The following ADAMTS16 variants were observed in gnomAD, a reference collection of about 807,000 sequenced individuals.
ADAMTS16 encodes the protein ADAM metallopeptidase with thrombospondin type 1 motif 16.
In ADAMTS16, 94 loss-of-function variants were observed where a neutral mutation model predicts 145.8. The ratio of observed to expected loss-of-function variants is 0.64; its 90% CI spans 0.55 to 0.77. The LOEUF is 0.77. Among genes scored for constraint, ADAMTS16 ranks in the 30% least tolerant of loss-of-function variants. ADAMTS16 has a pLI of 0.00. For missense variants in ADAMTS16, 1,585 were observed against 1,591.5 expected, an observed-to-expected ratio of 1.00 and a Z score of 0.07; for synonymous variants, 659 against 604.3, an observed-to-expected ratio of 1.09 and a Z score of -1.33.
At chr5:5,248,977 AG>A (rs1388205731) in intron 17 of ADAMTS16, among the ~76,000 whole-genome samples, 1 of 152,206 alleles carries the variant, frequency 6.6e-6, no homozygotes, top group African/African-American at 2.4e-5. Context: ...GTAGAGAAAA[AG>A]AGACTGATTG....
At chr5:5,235,852 T>C (rs13171408) in intron 13 of ADAMTS16, among the ~76,000 whole-genome samples, 463 of 152,360 alleles carry the variant, frequency 3.0e-3, no homozygotes, top group Middle Eastern at 0.027. Flanking sequence ...CCTTTGGATG[T>C]ACATAAGTGG....
intron 10 of ADAMTS16, among the ~76,000 whole-genome samples, chr5:5,213,401 G>GA (rs1736329309): frequency 6.6e-6 from 1 of 152,142 alleles, no homozygotes; most frequent in Non-Finnish European, 1.5e-5. Flanking sequence ...ATAAATCAGT[G>GA]AAATATACCT....
intron 18 of ADAMTS16, among the ~76,000 whole-genome samples, chr5:5,266,027 T>TGTGA (rs1451688951): frequency 4.9e-5 from 7 of 142,506 alleles, no homozygotes; most frequent in African/African-American, 1.8e-4. Context: ...TGTGTGTGTG[T>TGTGA]GACTTTCACA....
chr5:5,316,741 T>A (rs1349708707), intron 21 of ADAMTS16, among the ~76,000 whole-genome samples: 1 of 152,168 alleles, frequency 6.6e-6, no homozygotes, highest in Non-Finnish European at 1.5e-5. Context: ...CCCACCCTCA[T>A]GCATCAGGGG....
chr5:5,273,374 C>G (rs2913669), intron 18 of ADAMTS16, among the ~76,000 whole-genome samples: 65,555 of 152,068 alleles, frequency 0.43, 14,598 homozygotes, highest in East Asian at 0.59. Flanking sequence ...ATACAAAAAA[C>G]TTAGCTGATG....
In ADAMTS16 at chr5:5,182,191, A is replaced by C; in HGVS notation, c.649A>C (p.Ser217Arg). Residue 217 changes from serine to arginine, a missense_variant, in exon 4 of 23, where the codon AGT becomes CGT. By Grantham distance (110) the Ser-to-Arg change is moderately radical. Around this residue, in one of 3 missense-constraint regions of ADAMTS16, gnomAD observed 453 missense variants for 412.1 expected, o/e 1.10. Coordinates refer to ENST00000274181, the MANE Select transcript of ADAMTS16 (RefSeq NM_139056.4). ...RSTEPHAPGA[S>R]EVLVTSRTWE... ...CACAGAGCCCCATGCTCCTGGGGCC[A>C]GTGAGGTCCTGGTGACCTCAAGGAC... 6.2e-7 allele frequency: 1 copy of C among 1,614,190 alleles called. No homozygotes were observed. Among genetic ancestry groups the C allele is most frequent in the African/African-American group, 1.3e-5 (1 of 75,062 alleles).
intron 18 of ADAMTS16, among the ~76,000 whole-genome samples, chr5:5,276,413 C>G (rs1359038829): frequency 1.3e-5 from 2 of 152,144 alleles, no homozygotes. Context: ...ATAAGACAGA[C>G]CCGAGTGTAA....
chr5:5,304,293 G>A (rs1325518742), intron 20 of ADAMTS16, among the ~76,000 whole-genome samples: 2 of 152,160 alleles, frequency 1.3e-5, no homozygotes, highest in Non-Finnish European at 2.9e-5. Flanking sequence ...CTGGGAAGCC[G>A]TTTCCTCTAC....
chr5:5,303,280 G>C lies in ADAMTS16; in HGVS notation c.2802G>C (p.Gly934=). 6.3e-7 allele frequency: 1 copy of C among 1,580,214 alleles called. No homozygotes were observed. Among genetic ancestry groups the C allele is most frequent in the Non-Finnish European group, 8.6e-7 (1 of 1,160,778 alleles). The change falls in exon 19 of 23, where the codon GGG becomes GGC. Residue 934 remains glycine (G), a synonymous_variant. Coordinates refer to ENST00000274181, the MANE Select transcript of ADAMTS16 (RefSeq NM_139056.4). ...VSACPPSWSV[G]NWSACSRTCG... is the part of the protein sequence containing the mutation. Reference sequence around the variant, plus strand: ...TGTCCCTGCCCAGCTGGTCCGTGGGGAACTGGAGTGCCTGCAGTCGGACGT... The same window carrying C: ...TGTCCCTGCCCAGCTGGTCCGTGGGCAACTGGAGTGCCTGCAGTCGGACGT...
rs775362482 is a variant in ADAMTS16 at position 5,318,220 on chromosome 5, C to T, written c.3498C>T (p.His1166=). The T allele has an allele frequency of 1.9e-6, 3 of 1,570,410 alleles. No individual in the cohort carries two copies. The South Asian group carries it at 3.5e-5, about 18-fold the overall frequency. Residue 1166 remains histidine (H), a synonymous_variant, in exon 22 of 23, where the codon CAC becomes CAT. Transcript: ENST00000274181. The part of the protein sequence containing the change: ...GGRPASGCLL[H]QKPSASLACN... ...GGCCGGCCTCAGGCTGCCTCCTGCA[C>T]CAGAAGCCTTCGGCCTCCCTGGCCT... is the stretch of plus-strand genomic sequence containing the variant.
chr5:5,251,299 C>A (rs1289948948), intron 17 of ADAMTS16, among the ~76,000 whole-genome samples: 1 of 152,152 alleles, frequency 6.6e-6, no homozygotes, highest in Admixed American at 6.5e-5. Context: ...TCATCTGTAT[C>A]CTTCATTTGC....
At position 5,242,156 on chromosome 5, in the gene ADAMTS16, T is replaced by C. The variant is rs770979114; in HGVS notation, c.2627T>C (p.Ile876Thr). ...GCCCAGCCCAGCTACACTTGGGCCATCGTGCGCTCTGAGTGCTCCGTGTCC... is the reference window on the plus strand; with the variant it reads ...GCCCAGCCCAGCTACACTTGGGCCACCGTGCGCTCTGAGTGCTCCGTGTCC... ...PPAQPSYTWA[I>T]VRSECSVSCG... is the part of the protein sequence containing the mutation. Residue 876 changes from isoleucine (I) to threonine (T), a missense_variant, in exon 17 of 23, where the codon ATC (isoleucine) becomes ACC (threonine). Physicochemically the swap from Ile to Thr is moderately conservative, Grantham distance 89 (BLOSUM62 -1). This residue lies in a region of ADAMTS16 where 834 missense variants were observed against 811.7 expected (regional missense o/e 1.03). Coordinates refer to ENST00000274181, the MANE Select transcript of ADAMTS16 (RefSeq NM_139056.4). 31 of 1,614,038 alleles carry C rather than the reference T, an allele frequency of 1.9e-5. No homozygotes were observed. The highest frequency in any genetic ancestry group is 3.3e-5 in the Admixed American group (2 of 60,010).
intron 18 of ADAMTS16, among the ~76,000 whole-genome samples, chr5:5,283,598 GC>G (rs1308719995): frequency 6.6e-6 from 1 of 152,054 alleles, no homozygotes; most frequent in African/African-American, 2.4e-5. Context: ...GGCTCAATAG[GC>G]AAAAGGTGTA....
rs141346975 is a variant in ADAMTS16, at chr5:5,248,086, T to G, written c.2662+5895T>G. Among the ~76,000 whole-genome samples the G allele has an allele frequency of 1.4e-3, 212 of 152,392 alleles. 2 individuals are homozygous for G. The highest frequency in any genetic ancestry group is 3.6e-3 in the African/African-American group (148 of 41,592). On this transcript the variant is annotated intron_variant, in intron 17 of 22. Coordinates refer to ENST00000274181, the MANE Select transcript of ADAMTS16 (RefSeq NM_139056.4). ...AACAATGCATGCTTCTTTTGAGAGC[T>G]CATGCGTTCATTTATGGAACACCGT...
chr5:5,221,528 C>A (rs1736606171), intron 10 of ADAMTS16, among the ~76,000 whole-genome samples: 1 of 152,140 alleles, frequency 6.6e-6, no homozygotes, highest in Non-Finnish European at 1.5e-5. Context: ...TGATTGTAAC[C>A]ATATGAGATT....
chr5:5,245,200 C>T (rs1427633469), intron 17 of ADAMTS16, among the ~76,000 whole-genome samples: 2 of 152,124 alleles, frequency 1.3e-5, no homozygotes, highest in Non-Finnish European at 1.5e-5. Context: ...TTAGGTGTAT[C>T]CCATTGGAGG....
At chr5:5,231,251 G>T (rs1202343364) in intron 11 of ADAMTS16, among the ~76,000 whole-genome samples, 1 of 152,102 alleles carries the variant, frequency 6.6e-6, no homozygotes, top group Non-Finnish European at 1.5e-5. Context: ...GAATGGATGA[G>T]GCTTTACTCT....
rs79964907 is a variant in ADAMTS16 at position 5,309,627 on chromosome 5, G to A, written c.3411+2899G>A. Among the ~76,000 whole-genome samples, 29 of 152,252 alleles carry A rather than the reference G, an allele frequency of 1.9e-4. No homozygotes were observed. In the East Asian group the frequency reaches 4.6e-3, roughly 24 times the overall value. On this transcript the variant is annotated intron_variant, in intron 21 of 22. Coordinates refer to ENST00000274181, the MANE Select transcript of ADAMTS16 (RefSeq NM_139056.4). ...GTCTGGGGTTTTTCTTTCATTGTGC[G>A]TGGATACTGTGCATCTGTTGAGAGA...
intron 20 of ADAMTS16, among the ~76,000 whole-genome samples, chr5:5,304,980 CAT>C (rs750231179): frequency 3.3e-5 from 4 of 120,576 alleles, no homozygotes; most frequent in African/African-American, 3.5e-5. Context: ...CACACACACA[CAT>C]CCTACACCAC....
Sources: allele counts gnomAD v4.1 joint callset (sites outside exome capture counted in the v4.1 genomes callset), GRCh38; gene constraint gnomAD v4.1.1; regional missense constraint gnomAD v4.1.1; transcripts MANE v1.5; gene names NCBI Gene and HGNC (gene_info 2026-07-23, HGNC 2026-07-21).